The following DEDD variants were observed in gnomAD, a reference collection of about 807,000 sequenced individuals.
The protein encoded by DEDD is death effector domain containing, also known as death effector domain-containing protein.
DEDD carries 3 observed loss-of-function variants against 29.2 expected under a neutral mutation model. The ratio of observed to expected loss-of-function variants is 0.10; its 90% CI spans 0.05 to 0.27. The LOEUF (loss-of-function observed/expected upper bound fraction) is 0.27. DEDD is among the 10% of genes least tolerant of loss of function. The pLI, the probability that DEDD is intolerant of heterozygous loss-of-function variation, is 1.00. For synonymous variants in DEDD, 152 were observed against 161.3 expected (o/e 0.94, Z 0.44); for missense variants, 261 against 420.5 (o/e 0.62, Z 3.32).
At chr1:161,126,545 T>C (rs1377855584) in intron 2 of DEDD, among the ~76,000 whole-genome samples, 2 of 151,940 alleles carry the variant, frequency 1.3e-5, no homozygotes, top group African/African-American at 2.4e-5. Context: ...GGTTTCACCA[T>C]ATTGGCCAGA....
At chr1:161,130,383 A>C (rs116268587) in intron 2 of DEDD, among the ~76,000 whole-genome samples, 69 of 152,348 alleles carry the variant, frequency 4.5e-4, no homozygotes, top group Non-Finnish European at 5.9e-4. Context: ...AGAATTACAT[A>C]GTATGTTTTC....
At chr1:161,123,768 G>A (rs1301266468) in intron 4 of DEDD, 71 bp downstream of exon 4, 4 of 1,371,072 alleles carry the variant, frequency 2.9e-6, no homozygotes, top group Non-Finnish European at 1.0e-6. Context: ...AGCTGGCAAA[G>A]CCCAGAATGT....
intron 2 of DEDD, among the ~76,000 whole-genome samples, chr1:161,129,510 A>C (rs1656488619): frequency 6.6e-6 from 1 of 150,990 alleles, no homozygotes; most frequent in South Asian, 2.1e-4. Flanking sequence ...ACTGCACTCC[A>C]GCCTGGGGTA....
chr1:161,131,742 C>T (rs1656684663), intron 1 of DEDD, among the ~76,000 whole-genome samples: 1 of 152,144 alleles, frequency 6.6e-6, no homozygotes. Flanking sequence ...TGACCATTCC[C>T]TTCTGCCCTT....
chr1:161,127,499 GCA>G (rs1656294101), intron 2 of DEDD, among the ~76,000 whole-genome samples: 2 of 152,192 alleles, frequency 1.3e-5, no homozygotes, highest in East Asian at 1.9e-4. Context: ...TAAAATGAAA[GCA>G]CAGAGAAACT....
chr1:161,127,742 A>G (rs1656313359), intron 2 of DEDD, among the ~76,000 whole-genome samples: 1 of 152,160 alleles, frequency 6.6e-6, no homozygotes, highest in Non-Finnish European at 1.5e-5. Flanking sequence ...AAAATAAGTT[A>G]TTGCTCATAG....
chr1:161,122,790 T>C lies in DEDD; in HGVS notation c.581-267A>G, dbSNP rs897617030. The stretch of plus-strand genomic sequence containing the variant: ...TGTTTATAGGAGATATTTTCCTAAT[T>C]ACCAGGCATAGAAGTTCATTTTAAT... On this transcript the variant is annotated intron_variant, in intron 5 of 5. Coordinates refer to ENST00000368006, the MANE Select transcript of DEDD (RefSeq NM_032998.3). This position sits in a 1 kb window ranked among gnomAD's most constrained non-coding sequence, Gnocchi z 4.2. 2.0e-5 allele frequency among the ~76,000 whole-genome samples: 3 copies of C among 152,210 alleles called. No individual in the cohort carries two copies. The highest frequency in any genetic ancestry group is 7.2e-5 in the African/African-American group (3 of 41,438).
At chr1:161,126,823 T>C (rs1031804419) in intron 2 of DEDD, among the ~76,000 whole-genome samples, 1 of 152,128 alleles carries the variant, frequency 6.6e-6, no homozygotes, top group African/African-American at 2.4e-5. Context: ...AATGCCCCTC[T>C]CCCTTCTCTA....
rs1655474139 is a variant in DEDD at position 161,121,398 on chromosome 1, T to C, written c.*749A>G. The C allele has an allele frequency of 6.4e-6, 1 of 156,908 alleles. No homozygotes were observed. Among genetic ancestry groups the C allele is most frequent in the African/African-American group, 2.4e-5 (1 of 41,498 alleles). The allele number at this position is 156,908 out of a possible 1,614,324, so 9.7% of individuals were successfully genotyped here. ...GTGTCACACTCCCCCTTCCCCTTTA[T>C]AGGGGGAGTGTATTTTAATCAGCAA... On this transcript the variant is annotated 3_prime_UTR_variant, in exon 6 of 6. Coordinates refer to ENST00000368006, the MANE Select transcript of DEDD (RefSeq NM_032998.3).
chr1:161,129,902 ATTG>A (rs1384344237), intron 2 of DEDD, among the ~76,000 whole-genome samples: 3 of 152,172 alleles, frequency 2.0e-5, no homozygotes, highest in Non-Finnish European at 4.4e-5. Context: ...ATTCTGAGGA[ATTG>A]TTGTATTTCC....
At chr1:161,126,407 G>C (rs547487577) in intron 2 of DEDD, among the ~76,000 whole-genome samples, 3 of 148,188 alleles carry the variant, frequency 2.0e-5, no homozygotes, top group African/African-American at 7.5e-5. Flanking sequence ...GCAGTGGCGC[G>C]ATCTTGGCTC....
chr1:161,126,343 C>CTTTTTT (rs538174697), intron 2 of DEDD, among the ~76,000 whole-genome samples: 1 of 132,504 alleles, frequency 7.5e-6, no homozygotes, highest in Non-Finnish European at 1.6e-5. Context: ...ACTCCAAACT[C>CTTTTTT]TTTTTTTTTT....
intron 2 of DEDD, among the ~76,000 whole-genome samples, chr1:161,126,638 G>A (rs1656205817): frequency 6.6e-6 from 1 of 152,008 alleles, no homozygotes; most frequent in South Asian, 2.1e-4. Flanking sequence ...CACCACGCCT[G>A]GCCGAACACT....
intron 2 of DEDD, chr1:161,124,751 C>T (rs1571226354): frequency 4.9e-6 from 2 of 406,576 alleles, no homozygotes; most frequent in East Asian, 1.1e-4. Context: ...CACTTGAGCC[C>T]AGGCGTTTAA....
intron 2 of DEDD, among the ~76,000 whole-genome samples, chr1:161,126,992 T>C (rs1656247534): frequency 6.6e-6 from 1 of 152,216 alleles, no homozygotes; most frequent in East Asian, 1.9e-4. Context: ...ATATCTCCTT[T>C]ACACCATTTA....
chr1:161,128,715 G>T (rs1157959869), intron 2 of DEDD, among the ~76,000 whole-genome samples: 1 of 152,014 alleles, frequency 6.6e-6, no homozygotes. Flanking sequence ...GGTGGAGCAT[G>T]GTAAAGGGTC....
chr1:161,122,757 TAG>T lies in DEDD; in HGVS notation c.581-236_581-235del, dbSNP rs1472077572. Among the ~76,000 whole-genome samples the T allele has an allele frequency of 6.6e-6, 1 of 152,224 alleles. No individual in the cohort carries two copies. Among genetic ancestry groups the T allele is most frequent in the Non-Finnish European group, 1.5e-5 (1 of 68,050 alleles). ...CAGCACTGTTCCCATTACTCACAGG[TAG>T]CAACTTGTTTATAGGAGATATTTTC... On this transcript the variant is annotated intron_variant, in intron 5 of 5. Transcript: ENST00000368006. The surrounding 1 kb of genome is among the most constrained non-coding windows in gnomAD (Gnocchi z 4.2).
intron 2 of DEDD, 32 bp from the exon 3 acceptor site, chr1:161,124,558 C>T: frequency 6.6e-7 from 1 of 1,510,272 alleles, no homozygotes; most frequent in Non-Finnish European, 8.8e-7. Flanking sequence ...CGATGAGACA[C>T]TCAAGGGCAG....
At chr1:161,126,183 A>G (rs1656154303) in intron 2 of DEDD, among the ~76,000 whole-genome samples, 1 of 152,092 alleles carries the variant, frequency 6.6e-6, no homozygotes. Context: ...GGACTACTGT[A>G]ACTTTAAAAG....
Sources: gnomAD v4.1 joint callset for allele counts (sites outside exome capture counted in the v4.1 genomes callset) on GRCh38, gnomAD v4.1.1 for gene constraint, Gnocchi (gnomAD v3.1) non-coding constraint, MANE v1.5 for transcripts, NCBI Gene and HGNC (gene_info 2026-07-23, HGNC 2026-07-21) for gene names.